Variants in TRIML2 observed in about 807,000 individuals in gnomAD.
TRIML2 encodes tripartite motif family like 2, also known as probable E3 ubiquitin-protein ligase TRIML2.
TRIML2 carries 28 observed loss-of-function variants against 31.2 expected under a neutral mutation model. The observed-to-expected ratio is 0.90, with a 90% CI of 0.66 to 1.23. The LOEUF is 1.23. Ranked by LOEUF, TRIML2 falls within the 50% of genes most tolerant of loss-of-function variation. The pLI, the probability that TRIML2 is intolerant of heterozygous loss-of-function variation, is 0.00. For synonymous variants in TRIML2, 187 were observed against 197.5 expected, an observed-to-expected ratio of 0.95 and a Z score of 0.45; for missense variants, 536 against 528.3, an observed-to-expected ratio of 1.01 and a Z score of -0.14.
chr4:188,094,649 A>T (rs1409081188), intron 7 of TRIML2, among the ~76,000 whole-genome samples: 3 of 152,182 alleles, frequency 2.0e-5, no homozygotes, highest in Non-Finnish European at 4.4e-5. Context: ...AAATAAATGG[A>T]GATATTTTGT....
intron 3 of TRIML2, among the ~76,000 whole-genome samples, chr4:188,104,594 C>T (rs937526360): frequency 9.9e-5 from 15 of 152,096 alleles, no homozygotes; most frequent in Admixed American, 3.3e-4. Flanking sequence ...AACTCCTGAC[C>T]TCAAGTGATC....
rs1733240682 is a variant in TRIML2, at chr4:188,091,352, T to C, written c.*21A>G. The stretch of plus-strand genomic sequence containing the variant: ...TCCAACTTTCTGGTGTCTCGTGGTC[T>C]TGGATTTTACACACAGAAGATTAAG... On this transcript the variant is annotated 3_prime_UTR_variant, in exon 8 of 8. Coordinates refer to ENST00000682553, the MANE Select transcript of TRIML2 (RefSeq NM_173553.4). The C allele has an allele frequency of 6.3e-7, 1 of 1,596,044 alleles. No homozygotes were observed. Among genetic ancestry groups the C allele is most frequent in the Non-Finnish European group, 8.6e-7 (1 of 1,168,414 alleles).
chr4:188,107,020 CTTATTTATTTATTT>C (rs1734071733), intron 1 of TRIML2: 1 of 152,378 alleles, frequency 6.6e-6, no homozygotes, highest in East Asian at 2.0e-4. Context: ...ATTTTATTAA[CTTATTTATTTATTT>C]TTGAGACCGA....
chr4:188,108,774 AAG>A (rs1377442260), intron 1 of TRIML2, among the ~76,000 whole-genome samples: 1 of 152,118 alleles, frequency 6.6e-6, no homozygotes, highest in Admixed American at 6.6e-5. Context: ...ATGTCTTCCC[AAG>A]AGAGACCTTT....
At chr4:188,098,766 G>T in intron 5 of TRIML2, 1 of 414,096 alleles carries the variant, frequency 2.4e-6, no homozygotes, top group South Asian at 3.6e-5. Flanking sequence ...TTGCATGGAG[G>T]TATTAACCAC....
At chr4:188,098,482 CAT>C in intron 5 of TRIML2, 2 of 211,700 alleles carry the variant, frequency 9.4e-6, no homozygotes, top group South Asian at 1.3e-4. Context: ...AGGATTTCAA[CAT>C]ATATATTTTG....
In TRIML2 at chr4:188,099,112, C is replaced by G; in HGVS notation, c.544G>C (p.Glu182Gln). Residue 182 changes from glutamate to glutamine, a missense_variant, in exon 5 of 8, where the codon GAA becomes CAA. Glu to Gln is a conservative substitution (Grantham distance 29, BLOSUM62 2). Transcript: ENST00000682553. The part of the protein sequence containing the change: ...KLKESEARAS[E>Q]QVRSLLKLIV... ...AGCTTTAGGAGGCTGCGGACCTGTT[C>G]AGAAGCCCTGGCTTCACTCTCCTTC... 1 of 1,614,086 alleles carries G rather than the reference C, an allele frequency of 6.2e-7. No homozygotes were observed. The highest frequency in any genetic ancestry group is 8.5e-7 in the Non-Finnish European group (1 of 1,179,996).
At chr4:188,105,147 G>C (rs185517486) in intron 2 of TRIML2, 33 bp downstream of exon 2, 2 of 1,586,558 alleles carry the variant, frequency 1.3e-6, no homozygotes, top group Admixed American at 1.7e-5. Flanking sequence ...GAGTTGGCCA[G>C]AGTGTTTTGG....
In TRIML2 at chr4:188,100,484, A is replaced by G. The variant is rs1237696520; in HGVS notation, c.480+572T>C. On this transcript the variant is annotated intron_variant, in intron 4 of 7. Coordinates refer to ENST00000682553, the MANE Select transcript of TRIML2 (RefSeq NM_173553.4). ...ACGCCTGTAATCCCAGCACTTTGGG[A>G]GGCTGAGGCGGGTGGATCATGAGGT... Among the ~76,000 whole-genome samples the G allele has an allele frequency of 2.6e-5, 4 of 152,234 alleles. No individual in the cohort carries two copies. In the South Asian group the frequency reaches 8.3e-4, roughly 32 times the overall value.
chr4:188,098,946 G>T, intron 5 of TRIML2, 89 bp downstream of exon 5: 1 of 1,430,432 alleles, frequency 7.0e-7, no homozygotes, highest in Non-Finnish European at 9.5e-7. Flanking sequence ...TGGATATTGT[G>T]TTCTGACAGC....
chr4:188,101,766 T>C (rs1035827347), intron 3 of TRIML2, among the ~76,000 whole-genome samples: 4 of 151,244 alleles, frequency 2.6e-5, no homozygotes, highest in Non-Finnish European at 5.9e-5. Context: ...AAAGGAGAAA[T>C]AGAATTTGAG....
chr4:188,094,090 C>CA (rs750066436), intron 7 of TRIML2, among the ~76,000 whole-genome samples: 2,227 of 112,400 alleles, frequency 0.02, 91 homozygotes, highest in African/African-American at 0.069. Context: ...GACAGCATCT[C>CA]AAAAAACAAA....
chr4:188,102,079 G>A (rs1364756933), intron 3 of TRIML2, among the ~76,000 whole-genome samples: 3 of 148,932 alleles, frequency 2.0e-5, no homozygotes, highest in East Asian at 4.0e-4. Context: ...GCAGTGAGCC[G>A]AGATGGCGCC....
At chr4:188,103,222 G>A (rs1489348097) in intron 3 of TRIML2, among the ~76,000 whole-genome samples, 4 of 151,794 alleles carry the variant, frequency 2.6e-5, no homozygotes, top group Non-Finnish European at 5.9e-5. Context: ...GGATGGTCTC[G>A]ATCTCCTGAC....
In TRIML2 at chr4:188,105,525, C is replaced by A; in HGVS notation, c.-157G>T. ...TCCACGAAGATCCAAGGAAATAAGTCCACGCAGACAGAGCGGGTCGGCGCT... is the reference window on the plus strand; with the variant it reads ...TCCACGAAGATCCAAGGAAATAAGTACACGCAGACAGAGCGGGTCGGCGCT... On this transcript the variant is annotated 5_prime_UTR_variant, in exon 2 of 8. Transcript: ENST00000682553. 1.9e-6 allele frequency: 1 copy of A among 521,218 alleles called. No homozygotes were observed. The highest frequency in any genetic ancestry group is 3.3e-6 in the Non-Finnish European group (1 of 302,864). 32.3% of individuals were successfully genotyped at this position (521,218 alleles called of 1,614,324 possible).
chr4:188,096,751 G>C (rs922465046), intron 7 of TRIML2, among the ~76,000 whole-genome samples: 4 of 151,474 alleles, frequency 2.6e-5, no homozygotes, highest in African/African-American at 9.7e-5. Flanking sequence ...CCACCTCCTG[G>C]GTTCAAGCAA....
chr4:188,096,394 T>A (rs1030368437), intron 7 of TRIML2, among the ~76,000 whole-genome samples: 2 of 151,388 alleles, frequency 1.3e-5, no homozygotes, highest in Admixed American at 1.3e-4. Context: ...TAGCCAGGTG[T>A]GGTGGTGCAT....
chr4:188,103,215 T>G (rs973807459), intron 3 of TRIML2, among the ~76,000 whole-genome samples: 16 of 152,084 alleles, frequency 1.1e-4, no homozygotes, highest in African/African-American at 3.9e-4. Flanking sequence ...TTAGCCAGGA[T>G]GGTCTCGATC....
intron 4 of TRIML2, 57 bp downstream of exon 4, chr4:188,100,999 T>C: frequency 6.7e-7 from 1 of 1,491,912 alleles, no homozygotes; most frequent in Non-Finnish European, 9.1e-7. Context: ...TGACATAATG[T>C]TTAGCTCTTC....
Sources: gnomAD v4.1 joint callset for allele counts (sites outside exome capture counted in the v4.1 genomes callset) on GRCh38, gnomAD v4.1.1 for gene constraint, MANE v1.5 for transcripts, NCBI Gene and HGNC (gene_info 2026-07-23, HGNC 2026-07-21) for gene names.